Variants in C8orf89 observed in about 807,000 individuals in gnomAD.
C8orf89 encodes chromosome 8 open reading frame 89.
In C8orf89, 14 loss-of-function variants were observed where a neutral mutation model predicts 15.8. That is an observed-to-expected ratio of 0.89 (90% CI 0.59 to 1.39). The LOEUF is 1.39. Ranked by LOEUF, C8orf89 falls within the 40% of genes most tolerant of loss-of-function variation. The probability of loss-of-function intolerance (pLI) is 0.00; values close to 1 mark genes in which losing one functional copy is unlikely to be tolerated. For missense variants in C8orf89, 181 were observed against 184.5 expected (o/e 0.98, Z 0.11); for synonymous variants, 55 against 62.2 (o/e 0.88, Z 0.54).
At chr8:73,267,481 G>A in the C8orf89 span, among the ~76,000 whole-genome samples, 1 of 152,068 alleles carries the variant, frequency 6.6e-6, no homozygotes, top group Non-Finnish European at 1.5e-5. Context: ...GGATACTAAA[G>A]GATCAACTTA....
At position 73,259,484 on chromosome 8, in the gene C8orf89, G is replaced by T. The variant is rs2546216; in HGVS notation, c.-26C>A. On this transcript the variant is annotated 5_prime_UTR_variant, in exon 1 of 4. Coordinates refer to ENST00000624510, the MANE Select transcript of C8orf89 (RefSeq NM_001243237.3). ...TTTTTCTTCTTTCAACAGTGCTGAT[G>T]AGAGGGAGATGCTGCTGCAGAGACA... 0.07 allele frequency: 103,573 copies of T among 1,480,394 alleles called. 3,770 individuals carry two copies. Among genetic ancestry groups the T allele is most frequent in the East Asian group, 0.098 (3,857 of 39,408 alleles). 91.7% of individuals were successfully genotyped at this position (1,480,394 alleles called of 1,614,324 possible).
In C8orf89 at chr8:73,241,386, C is replaced by A. The variant is rs1813001781; in HGVS notation, c.*71G>T. ...CATTTTTATATAAATCATTTTGCAT[C>A]ATATCATATAAAAAAAGAAAATATA... On this transcript the variant is annotated 3_prime_UTR_variant, in exon 4 of 4. Transcript: ENST00000624510. 1.7e-6 allele frequency: 2 copies of A among 1,182,182 alleles called. No homozygotes were observed. Among genetic ancestry groups the A allele is most frequent in the African/African-American group, 1.5e-5 (1 of 65,008 alleles). The allele number at this position is 1,182,182 out of a possible 1,614,324, so 73.2% of individuals were successfully genotyped here.
chr8:73,280,106 A>T, the C8orf89 span, among the ~76,000 whole-genome samples: 1 of 152,252 alleles, frequency 6.6e-6, no homozygotes, highest in Non-Finnish European at 1.5e-5. Flanking sequence ...ATGAAGCCAT[A>T]GTAACTGAAC....
the C8orf89 span, among the ~76,000 whole-genome samples, chr8:73,281,377 G>C: frequency 6.6e-6 from 1 of 152,134 alleles, no homozygotes; most frequent in South Asian, 2.1e-4. Context: ...TTTAATTTTA[G>C]GGTTGTTTGA....
chr8:73,277,865 G>T, the C8orf89 span: 1 of 699,296 alleles, frequency 1.4e-6, no homozygotes, highest in Non-Finnish European at 2.7e-6. Flanking sequence ...CAAAGTCCTT[G>T]GTTCCTTCTC....
chr8:73,245,582 A>AT, intron 3 of C8orf89, among the ~76,000 whole-genome samples: 1 of 152,224 alleles, frequency 6.6e-6, no homozygotes, highest in Non-Finnish European at 1.5e-5. Context: ...AAAGCTCTTC[A>AT]TTGAAAAAAC....
chr8:73,249,908 G>A (rs1410387459), intron 3 of C8orf89, among the ~76,000 whole-genome samples: 1 of 152,132 alleles, frequency 6.6e-6, no homozygotes, highest in African/African-American at 2.4e-5. Context: ...CAGTCTGTGG[G>A]TAACGAGGGA....
upstream of C8orf89, among the ~76,000 whole-genome samples, chr8:73,263,746 T>A (rs1215621042): frequency 6.6e-6 from 1 of 152,178 alleles, no homozygotes; most frequent in African/African-American, 2.4e-5. Context: ...ATTGGGGCAG[T>A]CAGACAATAG....
At chr8:73,277,681 T>C in the C8orf89 span, 1 of 754,020 alleles carries the variant, frequency 1.3e-6, no homozygotes, top group African/African-American at 1.7e-5. Flanking sequence ...CTGGAAATCC[T>C]TCACTTCATT....
the C8orf89 span, among the ~76,000 whole-genome samples, chr8:73,285,715 AGCGGGCAGT>A: frequency 6.6e-6 from 1 of 152,162 alleles, no homozygotes; most frequent in East Asian, 1.9e-4. Flanking sequence ...CAGCGGGCAC[AGCGGGCAGT>A]GTGGGAGCCA....
In C8orf89 at chr8:73,257,045, T is replaced by G; in HGVS notation, c.209A>C (p.Lys70Thr). 1 of 1,535,944 alleles carries G rather than the reference T, an allele frequency of 6.5e-7. No homozygotes were observed. The highest frequency in any genetic ancestry group is 8.7e-7 in the Non-Finnish European group (1 of 1,146,786). ...PYLPGLQSCQ[K>T]SVSSTPLEVP... Reference sequence around the variant, plus strand: ...CTCTAGTGGAGTTGAACTTACACTTTTTTGGCAACTTTGCAGTCCTGGTAA... The same window carrying G: ...CTCTAGTGGAGTTGAACTTACACTTGTTTGGCAACTTTGCAGTCCTGGTAA... The change falls in exon 2 of 4, where the codon AAA becomes ACA. Residue 70 changes from lysine to threonine, a missense_variant. By Grantham distance (78) the Lys-to-Thr change is moderately conservative. Transcript: ENST00000624510.
chr8:73,257,016 G>C lies in C8orf89; in HGVS notation c.238C>G (p.Pro80Ala). The change falls in exon 2 of 4, where the codon CCT becomes GCT. Residue 80 changes from proline (P) to alanine (A), a missense_variant. By Grantham distance (27) the Pro-to-Ala change is conservative (BLOSUM62 -1). Coordinates refer to ENST00000624510, the MANE Select transcript of C8orf89 (RefSeq NM_001243237.3). ...KSVSSTPLEV[P>A]KRLPRADAEV... ...GCATCAGCACGTGGCAGTCTTTTAG[G>C]AACCTCTAGTGGAGTTGAACTTACA... 1.3e-6 allele frequency: 2 copies of C among 1,535,142 alleles called. No homozygotes were observed. Among genetic ancestry groups the C allele is most frequent in the Non-Finnish European group, 8.7e-7 (1 of 1,146,364 alleles).
At chr8:73,253,482 G>T (rs557085446) in intron 2 of C8orf89, among the ~76,000 whole-genome samples, 2 of 151,486 alleles carry the variant, frequency 1.3e-5, no homozygotes, top group African/African-American at 2.4e-5. Flanking sequence ...GAAAGTCATT[G>T]GTAGCTTGAT....
intron 1 of C8orf89, among the ~76,000 whole-genome samples, chr8:73,257,711 T>C (rs1813429261): frequency 1.3e-5 from 2 of 152,232 alleles, no homozygotes; most frequent in Admixed American, 1.3e-4. Flanking sequence ...AAATTATTTT[T>C]AAAAATTTTC....
chr8:73,285,274 G>GT, the C8orf89 span, among the ~76,000 whole-genome samples: 787 of 152,288 alleles, frequency 5.2e-3, 5 homozygotes, highest in African/African-American at 0.018. Context: ...ACGGATAGAT[G>GT]TAAGTACTTA....
At chr8:73,277,651 G>C in the C8orf89 span, 8 of 757,982 alleles carry the variant, frequency 1.1e-5, no homozygotes, top group African/African-American at 1.2e-4. Flanking sequence ...ATCCAGGAAG[G>C]TTTCTCTTTT....
At chr8:73,249,352 G>A (rs917576948) in intron 3 of C8orf89, among the ~76,000 whole-genome samples, 3 of 152,114 alleles carry the variant, frequency 2.0e-5, no homozygotes, top group Non-Finnish European at 1.5e-5. Context: ...TTACATCAAT[G>A]TTCATCAGGG....
intron 2 of C8orf89, among the ~76,000 whole-genome samples, chr8:73,253,080 T>G (rs990198234): frequency 4.4e-4 from 67 of 152,050 alleles, no homozygotes; most frequent in Middle Eastern, 3.4e-3. Flanking sequence ...GAGGCGGAGC[T>G]CCCAGCGAGC....
At position 73,241,532 on chromosome 8, in the gene C8orf89, C is replaced by A; in HGVS notation, c.411G>T (p.Leu137Phe). Residue 137 changes from leucine to phenylalanine, a missense_variant, in exon 4 of 4, where the codon TTG becomes TTT. Leu to Phe is a conservative substitution (Grantham distance 22). Transcript: ENST00000624510. ...TTTCCTGACGAATGGTATCATATTC[C>A]AATATGGCTATTTTGGAAAGTCTCT... ...YLERLSKIAI[L>F]EYDTIRQETT... is the part of the protein sequence containing the mutation. 4 of 1,532,776 alleles carry A rather than the reference C, an allele frequency of 2.6e-6. No individual in the cohort carries two copies. Among genetic ancestry groups the A allele is most frequent in the Non-Finnish European group, 3.5e-6 (4 of 1,144,968 alleles). 94.9% of individuals were successfully genotyped at this position (1,532,776 alleles called of 1,614,324 possible). A position where few individuals can be genotyped will look rare whatever the true frequency, so the allele number is the denominator to read the frequency against.
Sources: gnomAD v4.1 joint callset for allele counts (sites outside exome capture counted in the v4.1 genomes callset) on GRCh38, gnomAD v4.1.1 for gene constraint, MANE v1.5 for transcripts, NCBI Gene and HGNC (gene_info 2026-07-23, HGNC 2026-07-21) for gene names.